The following EDARADD variants were observed in gnomAD, a reference collection of about 807,000 sequenced individuals.
The protein encoded by EDARADD is EDAR associated via death domain, also known as ectodysplasin-A receptor-associated adapter protein.
Under a neutral mutation model 25.6 loss-of-function variants are expected in EDARADD, and 20 were observed. The ratio of observed to expected loss-of-function variants is 0.78; its 90% CI spans 0.55 to 1.14. EDARADD has a LOEUF of 1.14. Among genes scored for constraint, EDARADD ranks in the 50% most tolerant of loss-of-function variants. The pLI is 0.00. For missense variants in EDARADD, 225 were observed against 270.1 expected (o/e 0.83, Z 1.17); for synonymous variants, 86 against 94.4 (o/e 0.91, Z 0.52).
chr1:236,358,564 C>T (rs917652238), intron 3 of EDARADD, among the ~76,000 whole-genome samples: 4 of 152,166 alleles, frequency 2.6e-5, no homozygotes, highest in Admixed American at 1.3e-4. Context: ...GTTTCTGGTA[C>T]ATTGTCTCTT....
intron 4 of EDARADD, among the ~76,000 whole-genome samples, chr1:236,428,397 G>T (rs1657984249): frequency 6.6e-6 from 1 of 152,144 alleles, no homozygotes; most frequent in East Asian, 1.9e-4. Flanking sequence ...GTAACAATCC[G>T]ATCTCTCTTT....
intron 3 of EDARADD, among the ~76,000 whole-genome samples, chr1:236,426,107 A>G (rs1423510244): frequency 6.6e-6 from 1 of 151,870 alleles, no homozygotes; most frequent in East Asian, 1.9e-4. Context: ...TCAGCCTCCC[A>G]AGTAGCTGGG....
intron 1 of EDARADD, among the ~76,000 whole-genome samples, chr1:236,407,371 G>A (rs999869599): frequency 6.6e-5 from 10 of 152,122 alleles, no homozygotes; most frequent in African/African-American, 2.2e-4. Context: ...CTCTCCATTC[G>A]TCCCCATTTC....
chr1:236,383,386 CAAAAA>C (rs35085475), intron 3 of EDARADD, among the ~76,000 whole-genome samples: 1 of 139,500 alleles, frequency 7.2e-6, no homozygotes, highest in Admixed American at 7.1e-5. Context: ...GACTCCGTCT[CAAAAA>C]AAAAAAAAAA....
chr1:236,415,385 C>G (rs1657610305), intron 3 of EDARADD, among the ~76,000 whole-genome samples: 1 of 152,174 alleles, frequency 6.6e-6, no homozygotes, highest in South Asian at 2.1e-4. Flanking sequence ...ATAGGGGTGG[C>G]TAGACCCTAG....
chr1:236,352,111 T>C (rs961201698), intron 3 of EDARADD, among the ~76,000 whole-genome samples: 4 of 152,198 alleles, frequency 2.6e-5, no homozygotes, highest in East Asian at 3.8e-4. Context: ...CAGGGTCTTA[T>C]CAGCCCATAG....
intron 3 of EDARADD, among the ~76,000 whole-genome samples, chr1:236,367,984 CTG>C (rs1346265863): frequency 6.6e-6 from 1 of 152,042 alleles, no homozygotes; most frequent in East Asian, 1.9e-4. Context: ...TGGTGTACAC[CTG>C]TAGTGCCAGC....
chr1:236,388,851 G>C (rs1442052939), intron 3 of EDARADD, among the ~76,000 whole-genome samples: 2 of 152,198 alleles, frequency 1.3e-5, no homozygotes, highest in Non-Finnish European at 2.9e-5. Flanking sequence ...TAAAGTGATT[G>C]ATCATTTTGT....
chr1:236,428,732 G>T (rs1214647549), intron 4 of EDARADD, among the ~76,000 whole-genome samples: 2 of 148,178 alleles, frequency 1.3e-5, no homozygotes, highest in African/African-American at 4.9e-5. Context: ...CCCAGACGGG[G>T]TGGCGGCCGG....
intron 4 of EDARADD, among the ~76,000 whole-genome samples, chr1:236,467,449 C>CACACAT (rs549976503): frequency 0.025 from 3,804 of 151,464 alleles, 52 homozygotes; most frequent in South Asian, 0.055. Context: ...CACACACACA[C>CACACAT]ACACACATAC....
At position 236,398,929 on chromosome 1, in the gene EDARADD, C is replaced by A. The variant is rs1279583282; in HGVS notation, c.61+4424C>A. On this transcript the variant is annotated intron_variant, in intron 1 of 5. Transcript: ENST00000334232. The surrounding 1 kb of genome is among the most constrained non-coding windows in gnomAD (Gnocchi z 4.1). ...TCTCCCTAACACTCAGCATAGTACT[C>A]CGCACATAGTAAGCCCTGGGCAAAT... Among the ~76,000 whole-genome samples, 1 of 152,160 alleles carries A rather than the reference C, an allele frequency of 6.6e-6. No homozygotes were observed. Among genetic ancestry groups the A allele is most frequent in the Admixed American group, 6.5e-5 (1 of 15,276 alleles).
chr1:236,456,086 G>C (rs1658856885), intron 4 of EDARADD, among the ~76,000 whole-genome samples: 1 of 151,884 alleles, frequency 6.6e-6, no homozygotes, highest in South Asian at 2.1e-4. Context: ...ACCGCGCCCA[G>C]GTGCCTGTTC....
chr1:236,469,252 T>A (rs1288927694), intron 5 of EDARADD, among the ~76,000 whole-genome samples: 1 of 152,090 alleles, frequency 6.6e-6, no homozygotes, highest in Admixed American at 6.6e-5. Flanking sequence ...GGTGGGCAGA[T>A]CACTTGAGGC....
intron 1 of EDARADD, among the ~76,000 whole-genome samples, chr1:236,407,639 G>T (rs1432508414): frequency 7.0e-6 from 1 of 143,458 alleles, no homozygotes; most frequent in African/African-American, 2.9e-5. Context: ...GATCAAAAGT[G>T]AATGCTGACT....
At chr1:236,361,089 A>G (rs892958054) in intron 3 of EDARADD, among the ~76,000 whole-genome samples, 2 of 152,176 alleles carry the variant, frequency 1.3e-5, no homozygotes, top group Non-Finnish European at 2.9e-5. Flanking sequence ...TTGACACACA[A>G]CAAAGTGCAC....
At chr1:236,431,380 G>C (rs1432390762) in intron 4 of EDARADD, among the ~76,000 whole-genome samples, 2 of 152,132 alleles carry the variant, frequency 1.3e-5, no homozygotes, top group Admixed American at 1.3e-4. Context: ...ACTGGAGTTT[G>C]AGGCTAGTCT....
chr1:236,362,482 C>G (rs1460997110), intron 3 of EDARADD, among the ~76,000 whole-genome samples: 1 of 152,146 alleles, frequency 6.6e-6, no homozygotes, highest in African/African-American at 2.4e-5. Flanking sequence ...CAAAACACTT[C>G]CCCAGCTTGT....
At chr1:236,422,179 C>A (rs982270063) in intron 3 of EDARADD, among the ~76,000 whole-genome samples, 4 of 152,168 alleles carry the variant, frequency 2.6e-5, no homozygotes, top group African/African-American at 7.2e-5. Flanking sequence ...GCCTCTCAAT[C>A]GAACCTGCTG....
chr1:236,446,865 G>T (rs915025536), intron 4 of EDARADD, among the ~76,000 whole-genome samples: 2 of 152,208 alleles, frequency 1.3e-5, no homozygotes, highest in African/African-American at 4.8e-5. Flanking sequence ...TGTCATGCAT[G>T]AAGTGTGCAC....
Sources: gnomAD v4.1 joint callset for allele counts (sites outside exome capture counted in the v4.1 genomes callset) on GRCh38, gnomAD v4.1.1 for gene constraint, Gnocchi (gnomAD v3.1) non-coding constraint, MANE v1.5 for transcripts, NCBI Gene and HGNC (gene_info 2026-07-23, HGNC 2026-07-21) for gene names.